The following FRMPD2 variants were observed in gnomAD, a reference collection of about 807,000 sequenced individuals.
FRMPD2 encodes the protein FERM and PDZ domain-containing protein 2.
FRMPD2 carries 96 observed loss-of-function variants against 140.1 expected under a neutral mutation model. The ratio of observed to expected loss-of-function variants is 0.69; its 90% confidence interval spans 0.58 to 0.81. The LOEUF is 0.81. Among genes scored for constraint, FRMPD2 ranks in the 40% least tolerant of loss-of-function variants. The pLI, the probability that FRMPD2 is intolerant of heterozygous loss-of-function variation, is 0.00. For synonymous variants in FRMPD2, 449 were observed against 547.6 expected, an observed-to-expected ratio of 0.82 and a Z score of 2.52; for missense variants, 1,240 against 1,447.4, an observed-to-expected ratio of 0.86 and a Z score of 2.32.
At chr10:48,246,876 A>T (rs2131958919) in intron 3 of FRMPD2, among the ~76,000 whole-genome samples, 1 of 152,360 alleles carries the variant, frequency 6.6e-6, no homozygotes, top group Middle Eastern at 3.4e-3. Flanking sequence ...GAGATGCTGA[A>T]AGAGATCAAG....
At chr10:48,197,627 G>A (rs746890816) in intron 15 of FRMPD2, among the ~76,000 whole-genome samples, 1 of 152,226 alleles carries the variant, frequency 6.6e-6, no homozygotes, top group African/African-American at 2.4e-5. Context: ...CAGATGACAT[G>A]CATGCTGCAG....
At chr10:48,253,551 A>G (rs1391654932) in intron 1 of FRMPD2, among the ~76,000 whole-genome samples, 1 of 152,216 alleles carries the variant, frequency 6.6e-6, no homozygotes, top group East Asian at 1.9e-4. Context: ...ACCCAATATC[A>G]AAATACTTGG....
chr10:48,183,851 C>CAAA (rs57389978), intron 20 of FRMPD2, among the ~76,000 whole-genome samples: 1 of 76,784 alleles, frequency 1.3e-5, no homozygotes, highest in Admixed American at 1.3e-4. Context: ...GACTCCATCT[C>CAAA]AAAAAAAAAA....
chr10:48,192,985 C>T (rs1168108944), intron 15 of FRMPD2, 91 bp from the exon 16 acceptor site: 7 of 906,430 alleles, frequency 7.7e-6, no homozygotes, highest in Non-Finnish European at 1.2e-5. Flanking sequence ...CACTGGGCCC[C>T]CGCTCTCCTC....
chr10:48,182,353 C>A (rs955969580), intron 20 of FRMPD2, among the ~76,000 whole-genome samples: 7 of 152,180 alleles, frequency 4.6e-5, no homozygotes, highest in Non-Finnish European at 7.4e-5. Context: ...AACCATGCTG[C>A]AACTGGTGTC....
chr10:48,240,602 A>G, intron 5 of FRMPD2, 110 bp from the exon 6 acceptor site: 1 of 1,448,938 alleles, frequency 6.9e-7, no homozygotes, highest in East Asian at 2.3e-5. Context: ...TGTCTGCCCT[A>G]TACGGTGACC....
intron 14 of FRMPD2, 99 bp from the exon 15 acceptor site, chr10:48,201,483 T>G (rs1839086233): frequency 1.9e-6 from 2 of 1,060,032 alleles, no homozygotes; most frequent in Non-Finnish European, 2.8e-6. Context: ...TTCCACACCC[T>G]GTAGCAGGCA....
At chr10:48,197,793 T>C (rs1838987592) in intron 15 of FRMPD2, among the ~76,000 whole-genome samples, 1 of 152,220 alleles carries the variant, frequency 6.6e-6, no homozygotes, top group Non-Finnish European at 1.5e-5. Flanking sequence ...TTCCATGCTC[T>C]GGCTGGTTAT....
intron 15 of FRMPD2, among the ~76,000 whole-genome samples, chr10:48,197,474 A>G (rs568042295): frequency 3.5e-4 from 53 of 152,316 alleles, no homozygotes; most frequent in African/African-American, 1.1e-3. Flanking sequence ...CCCTGAGTCT[A>G]CTGGACTCCA....
At chr10:48,205,458 A>G (rs977229824) in intron 14 of FRMPD2, among the ~76,000 whole-genome samples, 1 of 152,250 alleles carries the variant, frequency 6.6e-6, no homozygotes, top group Non-Finnish European at 1.5e-5. Flanking sequence ...ATTTTAAAAA[A>G]TTACTTTTTA....
At chr10:48,261,583 G>A (rs1840591449) in intron 1 of FRMPD2, among the ~76,000 whole-genome samples, 1 of 152,084 alleles carries the variant, frequency 6.6e-6, no homozygotes, top group African/African-American at 2.4e-5. Context: ...AAAGAAATAA[G>A]ACTTTCTCAG....
intron 16 of FRMPD2, among the ~76,000 whole-genome samples, chr10:48,192,387 G>A (rs1838849577): frequency 6.6e-6 from 1 of 152,070 alleles, no homozygotes; most frequent in African/African-American, 2.4e-5. Context: ...CTCAGGTTGA[G>A]ACCAGCCTGA....
At chr10:48,231,273 G>T (rs1215513342) in intron 10 of FRMPD2, among the ~76,000 whole-genome samples, 1 of 152,124 alleles carries the variant, frequency 6.6e-6, no homozygotes, top group East Asian at 1.9e-4. Context: ...CATAAGGGAG[G>T]GTCACTCATG....
At chr10:48,205,250 C>G (rs1233689509) in intron 14 of FRMPD2, among the ~76,000 whole-genome samples, 2 of 152,204 alleles carry the variant, frequency 1.3e-5, no homozygotes, top group African/African-American at 4.8e-5. Flanking sequence ...AATGGAAACC[C>G]TGATTAAGTA....
intron 1 of FRMPD2, among the ~76,000 whole-genome samples, chr10:48,260,602 A>C (rs959612536): frequency 2.0e-5 from 3 of 152,146 alleles, no homozygotes; most frequent in African/African-American, 7.2e-5. Flanking sequence ...TGACACATAA[A>C]ATTAATTATA....
At chr10:48,222,053 G>A (rs549524241) in intron 12 of FRMPD2, among the ~76,000 whole-genome samples, 8 of 151,406 alleles carry the variant, frequency 5.3e-5, no homozygotes, top group African/African-American at 1.9e-4. Context: ...TAGGTAGGTG[G>A]GTGGATGGAT....
chr10:48,261,262 A>G (rs1840584343), intron 1 of FRMPD2, among the ~76,000 whole-genome samples: 1 of 152,162 alleles, frequency 6.6e-6, no homozygotes, highest in African/African-American at 2.4e-5. Context: ...AAAATTGATA[A>G]CAGACACCAA....
chr10:48,188,800 A>AACCCTTTACTGCTTAAAAGCC (rs1838757295), intron 16 of FRMPD2, among the ~76,000 whole-genome samples: 1 of 152,184 alleles, frequency 6.6e-6, no homozygotes, highest in Non-Finnish European at 1.5e-5. Context: ...CCACACATGC[A>AACCCTTTACTGCTTAAAAGCC]ACCCTTTACT....
At chr10:48,189,436 G>A (rs1838776752) in intron 16 of FRMPD2, among the ~76,000 whole-genome samples, 1 of 152,246 alleles carries the variant, frequency 6.6e-6, no homozygotes, top group Non-Finnish European at 1.5e-5. Flanking sequence ...ACCACGTGCT[G>A]TGTAAACAAC....
Sources: allele counts gnomAD v4.1 joint callset (sites outside exome capture counted in the v4.1 genomes callset), GRCh38; gene constraint gnomAD v4.1.1; transcripts MANE v1.5; gene names NCBI Gene and HGNC (gene_info 2026-07-23, HGNC 2026-07-21).